Variants in CCL5 observed in about 807,000 individuals in gnomAD.
The protein encoded by CCL5 is C-C motif chemokine ligand 5.
In CCL5, 5 loss-of-function variants were observed where a neutral mutation model predicts 9.0. That is an observed-to-expected ratio of 0.55 (90% CI 0.29 to 1.16). The LOEUF is 1.16. Ranked by LOEUF, CCL5 falls within the 50% of genes most tolerant of loss-of-function variation. The probability of loss-of-function intolerance (pLI) is 0.08; values close to 1 mark genes in which losing one functional copy is unlikely to be tolerated. For synonymous variants in CCL5, 66 were observed against 72.0 expected (o/e 0.92, Z 0.42); for missense variants, 183 against 183.2 (o/e 1.00, Z 0.01).
At chr17:35,875,686 T>C (rs1317225036) in intron 2 of CCL5, 2 of 822,716 alleles carry the variant, frequency 2.4e-6, no homozygotes, top group Non-Finnish European at 2.9e-6. Flanking sequence ...GAGATGAGGG[T>C]AGCTCAGGCC....
intron 3 of CCL5, among the ~76,000 whole-genome samples, chr17:35,873,832 G>A (rs1473499969): frequency 1.3e-5 from 2 of 152,192 alleles, no homozygotes; most frequent in Non-Finnish European, 1.5e-5. Flanking sequence ...GAGACTAAAA[G>A]TCCTGGTACT....
chr17:35,873,370 G>A (rs1000599672), intron 3 of CCL5, among the ~76,000 whole-genome samples: 10 of 150,960 alleles, frequency 6.6e-5, no homozygotes, highest in African/African-American at 2.4e-4. Flanking sequence ...TGTATTTTTA[G>A]TAGAGACAGA....
rs539381334 is a variant in CCL5 at position 35,875,578 on chromosome 17, G to A, written c.253C>T (p.Arg85Trp). 37 of 985,168 alleles carry A rather than the reference G, an allele frequency of 3.8e-5. No individual in the cohort carries two copies. The African/African-American group carries it at 4.9e-4, about 13-fold the overall frequency. The allele number at this position is 985,168 out of a possible 1,614,324, so 61.0% of individuals were successfully genotyped here. ...ACACAGACCTTGCCCTTGTTCAGCC[G>A]GGAGTCATACAGGAAATCCTGCCAG... Residue 85 changes from arginine to tryptophan, a missense_variant, in exon 3 of 4, where the codon CGG (arginine) becomes TGG (tryptophan). Coordinates refer to ENST00000651122, the MANE Select transcript of CCL5 (RefSeq NM_001278736.2).
At chr17:35,876,721 C>T (rs556026139) in intron 2 of CCL5, among the ~76,000 whole-genome samples, 1 of 152,326 alleles carries the variant, frequency 6.6e-6, no homozygotes, top group Non-Finnish European at 1.5e-5. Context: ...CTGCATTTAG[C>T]ACTTTTGCTG....
At chr17:35,877,354 AAC>A (rs1169617055) in intron 2 of CCL5, among the ~76,000 whole-genome samples, 2 of 152,200 alleles carry the variant, frequency 1.3e-5, no homozygotes, top group African/African-American at 2.4e-5. Flanking sequence ...CAGCCTGGGC[AAC>A]AGAGTGAGTG....
intron 3 of CCL5, among the ~76,000 whole-genome samples, chr17:35,874,879 A>C (rs1425538100): frequency 6.6e-6 from 1 of 152,116 alleles, no homozygotes; most frequent in South Asian, 2.1e-4. Flanking sequence ...CCCAAAGTAC[A>C]GGGATCACAG....
intron 3 of CCL5, among the ~76,000 whole-genome samples, chr17:35,874,971 A>G (rs1480436090): frequency 6.6e-6 from 1 of 152,212 alleles, no homozygotes; most frequent in Non-Finnish European, 1.5e-5. Context: ...TACATAGCAT[A>G]ACAAAGGAAT....
At chr17:35,872,994 G>A (rs8069014) in intron 3 of CCL5, among the ~76,000 whole-genome samples, 39,080 of 149,668 alleles carry the variant, frequency 0.26, 6,054 homozygotes, top group African/African-American at 0.44. Flanking sequence ...GGTTCAAGCG[G>A]TTCTCCTGCC....
At chr17:35,874,902 G>A (rs557703778) in intron 3 of CCL5, among the ~76,000 whole-genome samples, 7 of 152,028 alleles carry the variant, frequency 4.6e-5, no homozygotes, top group Non-Finnish European at 1.0e-4. Flanking sequence ...GTGAGCCACC[G>A]CACCCAGATA....
chr17:35,872,951 A>C (rs1300360859), intron 3 of CCL5, among the ~76,000 whole-genome samples: 1 of 151,048 alleles, frequency 6.6e-6, no homozygotes, highest in Non-Finnish European at 1.5e-5. Flanking sequence ...TGCAAGTGGC[A>C]CGATCTCAGC....
chr17:35,873,401 A>G (rs1175550568), intron 3 of CCL5, among the ~76,000 whole-genome samples: 1 of 149,966 alleles, frequency 6.7e-6, no homozygotes, highest in Non-Finnish European at 1.5e-5. Context: ...GTTAGCCAGG[A>G]TGGTCTCGAT....
At position 35,872,347 on chromosome 17, in the gene CCL5, G is replaced by C. The variant is rs1400779876; in HGVS notation, c.388C>G (p.Gln130Glu). 6.2e-7 allele frequency: 1 copy of C among 1,612,020 alleles called. No homozygotes were observed. The highest frequency in any genetic ancestry group is 8.5e-7 in the Non-Finnish European group (1 of 1,178,662). Residue 130 changes from glutamine (Q) to glutamate (E), a missense_variant, in exon 4 of 4, where the codon CAA becomes GAA. Gln to Glu is a conservative substitution (Grantham distance 29, BLOSUM62 2). Transcript: ENST00000651122. ...AGAGCAAGCAGAAACAGGCAAATTT[G>C]TGTAAGTTCAGGTTCAAGGACTCTC...
rs1010297635 is a variant in CCL5, at chr17:35,871,745, T to TTTGTTG, written c.*519_*524dup. ...TTCTAGGCTTTAGTTGGGGAAGCTT[T>TTTGTTG]TTGTTGTTGTTGTTGTGACGGAGTC... On this transcript the variant is annotated 3_prime_UTR_variant, in exon 4 of 4. Coordinates refer to ENST00000651122, the MANE Select transcript of CCL5 (RefSeq NM_001278736.2). 5 of 152,052 alleles carry TTTGTTG rather than the reference T, an allele frequency of 3.3e-5. No individual in the cohort carries two copies. Among genetic ancestry groups the TTTGTTG allele is most frequent in the Non-Finnish European group, 7.3e-5 (5 of 68,048 alleles). 9.4% of individuals were successfully genotyped at this position (152,052 alleles called of 1,614,324 possible).
At chr17:35,874,241 A>C (rs932398984) in intron 3 of CCL5, among the ~76,000 whole-genome samples, 4 of 152,220 alleles carry the variant, frequency 2.6e-5, no homozygotes, top group African/African-American at 9.6e-5. Flanking sequence ...ATGTTATTTT[A>C]GAGATTCTCA....
At chr17:35,878,910 C>G (rs2088478282) in intron 1 of CCL5, among the ~76,000 whole-genome samples, 1 of 152,142 alleles carries the variant, frequency 6.6e-6, no homozygotes, top group Non-Finnish European at 1.5e-5. Context: ...CCTGGCTTGT[C>G]CTGGGTCCTC....
In CCL5 at chr17:35,878,600, G is replaced by A. The variant is rs1235323577; in HGVS notation, c.116C>T (p.Ala39Val). Residue 39 changes from alanine to valine, a missense_variant, in exon 2 of 4, where the codon GCC becomes GTC. Ala to Val is a moderately conservative substitution (Grantham distance 64). Transcript: ENST00000651122. ...GATGTGGGCACGGGGCAGTGGGCGG[G>A]CAATGTAGGCAAAGCAGCAGGGTGT... 6.2e-7 allele frequency: 1 copy of A among 1,613,916 alleles called. No individual in the cohort carries two copies.
At chr17:35,877,369 ACT>A (rs905710226) in intron 2 of CCL5, among the ~76,000 whole-genome samples, 1 of 152,178 alleles carries the variant, frequency 6.6e-6, no homozygotes, top group Non-Finnish European at 1.5e-5. Context: ...AGTGAGTGAG[ACT>A]CTGTCTCAAA....
At chr17:35,877,717 A>G (rs903283664) in intron 2 of CCL5, among the ~76,000 whole-genome samples, 2 of 152,238 alleles carry the variant, frequency 1.3e-5, no homozygotes, top group Non-Finnish European at 2.9e-5. Context: ...TATTTTTCCA[A>G]ATATACTAGC....
chr17:35,877,672 C>A (rs2088458082), intron 2 of CCL5, among the ~76,000 whole-genome samples: 2 of 152,224 alleles, frequency 1.3e-5, no homozygotes, highest in South Asian at 4.1e-4. Flanking sequence ...ACATTTGACA[C>A]ATAGTAGGCA....
Sources: allele counts gnomAD v4.1 joint callset (sites outside exome capture counted in the v4.1 genomes callset), GRCh38; gene constraint gnomAD v4.1.1; transcripts MANE v1.5; gene names NCBI Gene and HGNC (gene_info 2026-07-23, HGNC 2026-07-21).